The following COPB2 variants were observed in gnomAD, a reference collection of about 807,000 sequenced individuals.
COPB2 encodes the protein coat protein complex I subunit beta 2, also known as coatomer subunit beta'.
COPB2 carries 16 observed loss-of-function variants against 120.8 expected under a neutral mutation model. The observed-to-expected ratio is 0.13, with a 90% CI of 0.09 to 0.20. COPB2 has a LOEUF of 0.20. Ranked by LOEUF, COPB2 falls within the 10% of genes least tolerant of loss-of-function variation. The probability of loss-of-function intolerance (pLI) is 1.00; values close to 1 mark genes in which losing one functional copy is unlikely to be tolerated. For synonymous variants in COPB2, 332 were observed against 366.3 expected (o/e 0.91, Z 1.07); for missense variants, 794 against 1,076.5 (o/e 0.74, Z 3.67).
chr3:139,357,582 G>C lies in COPB2; in HGVS notation c.*281C>G, dbSNP rs188194264. ...TTTTCATTATTGAGAAAGGAAACAA[G>C]TACCTTCATTAATTCAAAAGGTTTT... On this transcript the variant is annotated 3_prime_UTR_variant, in exon 22 of 22. Coordinates refer to ENST00000333188, the MANE Select transcript of COPB2 (RefSeq NM_004766.3). The C allele has an allele frequency of 3.7e-6, 1 of 269,010 alleles. No individual in the cohort carries two copies. The highest frequency in any genetic ancestry group is 6.9e-6 in the Non-Finnish European group (1 of 144,964). The allele number at this position is 269,010 out of a possible 1,614,324, so 16.7% of individuals were successfully genotyped here. A position where few individuals can be genotyped will look rare whatever the true frequency, so the allele number is the denominator to read the frequency against.
intron 15 of COPB2, among the ~76,000 whole-genome samples, chr3:139,365,105 T>C (rs978773452): frequency 6.6e-6 from 1 of 152,050 alleles, no homozygotes; most frequent in Non-Finnish European, 1.5e-5. Flanking sequence ...AAACGAAGGA[T>C]ATCACCATAG....
At chr3:139,381,555 C>A (rs562099244) in intron 2 of COPB2, 1 of 152,214 alleles carries the variant, frequency 6.6e-6, no homozygotes, top group East Asian at 1.9e-4. Flanking sequence ...CCTCACAGAA[C>A]CTCCATTCTT....
intron 9 of COPB2, among the ~76,000 whole-genome samples, chr3:139,372,336 A>T (rs985690762): frequency 6.6e-6 from 1 of 152,268 alleles, no homozygotes; most frequent in Non-Finnish European, 1.5e-5. Flanking sequence ...AGGATATTTT[A>T]ACATTTAAAT....
intron 10 of COPB2, among the ~76,000 whole-genome samples, 194 bp downstream of exon 10, chr3:139,371,529 G>A (rs1941622872): frequency 6.6e-6 from 1 of 152,162 alleles, no homozygotes; most frequent in South Asian, 2.1e-4. Flanking sequence ...CCAGCCTAAC[G>A]CAGAACAAAG....
rs190280793 is a variant in COPB2 at position 139,389,533 on chromosome 3, G to A, written c.3+15C>T. 4 of 1,558,754 alleles carry A rather than the reference G, an allele frequency of 2.6e-6. No individual in the cohort carries two copies. In the East Asian group the frequency reaches 7.2e-5, roughly 28 times the overall value. On this transcript the variant is annotated intron_variant, in intron 1 of 21. Coordinates refer to ENST00000333188, the MANE Select transcript of COPB2 (RefSeq NM_004766.3). ...CCTATGGGACCCCGCTCCCTTCTAC[G>A]GGATCTGGACCTACCATGGCTGCGT...
rs939952955 is a variant in COPB2 at position 139,385,715 on chromosome 3, G to A, written c.4-2280C>T. On this transcript the variant is annotated intron_variant, in intron 1 of 21. Transcript: ENST00000333188. Reference sequence around the variant, plus strand: ...CATTTTCAAGCCAAATTCTTCCTTTGAATTACAGAACAGATAATTATTTGA... The same window carrying A: ...CATTTTCAAGCCAAATTCTTCCTTTAAATTACAGAACAGATAATTATTTGA... Among the ~76,000 whole-genome samples the A allele has an allele frequency of 5.9e-5, 9 of 152,136 alleles. 1 individual carries two copies. The highest frequency in any genetic ancestry group is 5.2e-4 in the Admixed American group (8 of 15,280).
At chr3:139,382,078 T>C (rs1366573493) in intron 2 of COPB2, 1 of 152,220 alleles carries the variant, frequency 6.6e-6, no homozygotes, top group Non-Finnish European at 1.5e-5. Context: ...GGTACTGAGA[T>C]ACAGCAGAAA....
chr3:139,373,079 G>T, intron 9 of COPB2, 134 bp downstream of exon 9: 1 of 820,344 alleles, frequency 1.2e-6, no homozygotes, highest in Non-Finnish European at 2.0e-6. Context: ...GCTGTGTTGA[G>T]GATTGTGAGG....
intron 10 of COPB2, among the ~76,000 whole-genome samples, chr3:139,370,438 T>G (rs1941603201): frequency 6.6e-6 from 1 of 152,214 alleles, no homozygotes; most frequent in Non-Finnish European, 1.5e-5. Flanking sequence ...CTTTTCCACT[T>G]AATATTTTTG....
chr3:139,367,226 A>C, intron 13 of COPB2, 81 bp from the exon 14 acceptor site: 1 of 1,444,398 alleles, frequency 6.9e-7, no homozygotes, highest in African/African-American at 1.4e-5. Flanking sequence ...TCTGAGGGTG[A>C]TATGGCAGAA....
chr3:139,371,639 C>T lies in COPB2; in HGVS notation c.1205+84G>A, dbSNP rs75634125. 82,192 of 1,121,804 alleles carry T rather than the reference C, an allele frequency of 0.073. 3,472 individuals are homozygous for T. The highest frequency in any genetic ancestry group is 0.12 in the Middle Eastern group (572 of 4,962). 69.5% of individuals were successfully genotyped at this position (1,121,804 alleles called of 1,614,324 possible). A position where few individuals can be genotyped will look rare whatever the true frequency, so the allele number is the denominator to read the frequency against. On this transcript the variant is annotated intron_variant, in intron 10 of 21. Transcript: ENST00000333188. ...GTTTTTTAACACGGAGAATCACAGC[C>T]CACATCAAGCCTTGAGAGTCTTCAA...
At chr3:139,379,299 G>A (rs1941767197) in intron 3 of COPB2, 81 bp downstream of exon 3, 2 of 1,563,072 alleles carry the variant, frequency 1.3e-6, no homozygotes, top group African/African-American at 1.4e-5. Context: ...AAACAAATCG[G>A]GAATCAAAAT....
intron 10 of COPB2, 134 bp from the exon 11 acceptor site, chr3:139,369,678 T>C: frequency 1.6e-6 from 1 of 632,868 alleles, no homozygotes; most frequent in Non-Finnish European, 2.7e-6. Flanking sequence ...GATTATCTGA[T>C]GTACTGTTTT....
intron 1 of COPB2, among the ~76,000 whole-genome samples, chr3:139,387,035 C>T (rs1355524430): frequency 8.9e-6 from 1 of 112,438 alleles, no homozygotes; most frequent in Non-Finnish European, 2.1e-5. Flanking sequence ...CCCGTCTCTA[C>T]TAAAAATACA....
At position 139,366,735 on chromosome 3, in the gene COPB2, G is replaced by T. The variant is rs750395123; in HGVS notation, c.1717C>A (p.Leu573Ile). 6.2e-7 allele frequency: 1 copy of T among 1,613,922 alleles called. No homozygotes were observed. Among genetic ancestry groups the T allele is most frequent in the Non-Finnish European group, 8.5e-7 (1 of 1,179,990 alleles). Residue 573 changes from leucine (L) to isoleucine (I), a missense_variant, in exon 15 of 22, where the codon CTT (leucine) becomes ATT (isoleucine). Leu to Ile is a conservative substitution (Grantham distance 5). Coordinates refer to ENST00000333188, the MANE Select transcript of COPB2 (RefSeq NM_004766.3). Reference protein sequence around the residue: ...LLGYIPKDNRLYLGDKELNII... With the variant: ...LLGYIPKDNRIYLGDKELNII... ...TTCAATTCTTTATCCCCCAGATAAAGCCTGTTGTCTTTAGGAATGTAGCCT... is the reference window on the plus strand; with the variant it reads ...TTCAATTCTTTATCCCCCAGATAAATCCTGTTGTCTTTAGGAATGTAGCCT...
chr3:139,373,566 G>A, intron 8 of COPB2, 100 bp downstream of exon 8: 3 of 1,546,424 alleles, frequency 1.9e-6, no homozygotes, highest in Non-Finnish European at 1.8e-6. Context: ...TGAAAGAAGT[G>A]CCAGTTTTAT....
At chr3:139,383,825 C>T (rs57909216) in intron 1 of COPB2, among the ~76,000 whole-genome samples, 57 of 151,976 alleles carry the variant, frequency 3.8e-4, no homozygotes, top group African/African-American at 1.2e-3. Flanking sequence ...AAATCCAGTA[C>T]ATGTTAATTA....
intron 9 of COPB2, 33 bp from the exon 10 acceptor site, chr3:139,371,866 A>G (rs1368666162): frequency 2.6e-6 from 4 of 1,513,938 alleles, no homozygotes; most frequent in Admixed American, 1.7e-5. Flanking sequence ...AGGGAAGTAC[A>G]GAGGACCAAA....
chr3:139,384,155 A>G (rs1038090937), intron 1 of COPB2, among the ~76,000 whole-genome samples: 2 of 152,258 alleles, frequency 1.3e-5, no homozygotes, highest in African/African-American at 4.8e-5. Context: ...AACCGTATCA[A>G]TAAGCTGTTT....
Sources: gnomAD v4.1 joint callset for allele counts (sites outside exome capture counted in the v4.1 genomes callset) on GRCh38, gnomAD v4.1.1 for gene constraint, MANE v1.5 for transcripts, NCBI Gene and HGNC (gene_info 2026-07-23, HGNC 2026-07-21) for gene names.